The following GRID2 variants were observed in gnomAD, a reference collection of about 807,000 sequenced individuals.
The protein encoded by GRID2 is glutamate ionotropic receptor delta type subunit 2.
In GRID2, 33 loss-of-function variants were observed where a neutral mutation model predicts 114.8. The observed-to-expected ratio is 0.29, with a 90% CI of 0.22 to 0.38. GRID2 has a LOEUF of 0.38. Among genes scored for constraint, GRID2 ranks in the 10% least tolerant of loss-of-function variants. The pLI is 1.00. For synonymous variants in GRID2, 505 were observed against 449.9 expected (o/e 1.12, Z -1.55); for missense variants, 1,184 against 1,257.7 (o/e 0.94, Z 0.89).
At chr4:93,751,248 A>T (rs1344419440) in intron 14 of GRID2, among the ~76,000 whole-genome samples, 1 of 152,206 alleles carries the variant, frequency 6.6e-6, no homozygotes, top group African/African-American at 2.4e-5. Flanking sequence ...TGATCTCATG[A>T]AAAGTCTAGG....
intron 1 of GRID2, among the ~76,000 whole-genome samples, chr4:92,322,488 A>G (rs565634790): frequency 9.2e-5 from 14 of 152,276 alleles, no homozygotes; most frequent in African/African-American, 3.1e-4. Context: ...CCCTGATGTG[A>G]TTACTACACA....
intron 2 of GRID2, among the ~76,000 whole-genome samples, chr4:92,609,738 C>T (rs1199087682): frequency 1.3e-5 from 2 of 151,486 alleles, no homozygotes; most frequent in African/African-American, 4.8e-5. Flanking sequence ...ATACCTTCTT[C>T]AATTATCTGA....
chr4:93,131,856 A>G (rs1393896697), intron 4 of GRID2, among the ~76,000 whole-genome samples: 3 of 152,096 alleles, frequency 2.0e-5, no homozygotes, highest in Non-Finnish European at 2.9e-5. Flanking sequence ...TCTTTTTCCT[A>G]TGTATACAAC....
chr4:93,347,539 C>T lies in GRID2; in HGVS notation c.1246-48068C>T, dbSNP rs945778510. 6.4e-4 allele frequency among the ~76,000 whole-genome samples: 97 copies of T among 152,096 alleles called. 1 individual carries two copies. The highest frequency in any genetic ancestry group is 7.4e-5 in the Non-Finnish European group (5 of 67,980). ...AGTGGTAGTTGAGAAAAAATTATTC[C>T]TTATATGATTTTCATCATAGTGTTT... is the stretch of plus-strand genomic sequence containing the variant. On this transcript the variant is annotated intron_variant, in intron 8 of 15. Coordinates refer to ENST00000282020, the MANE Select transcript of GRID2 (RefSeq NM_001510.4).
chr4:92,589,959 C>T (rs1728629688), intron 1 of GRID2, among the ~76,000 whole-genome samples, 172 bp from the exon 2 acceptor site: 1 of 152,148 alleles, frequency 6.6e-6, no homozygotes, highest in Admixed American at 6.5e-5. Context: ...TAACTATATT[C>T]CTTCTCAGCT....
At chr4:92,773,066 G>GT (rs1412808408) in intron 2 of GRID2, among the ~76,000 whole-genome samples, 4 of 152,054 alleles carry the variant, frequency 2.6e-5, no homozygotes, top group Non-Finnish European at 4.4e-5. Flanking sequence ...TTTTTCACTT[G>GT]TATTGTCTTT....
chr4:93,001,635 T>A (rs1392115368), intron 2 of GRID2, among the ~76,000 whole-genome samples: 1 of 151,874 alleles, frequency 6.6e-6, no homozygotes, highest in East Asian at 1.9e-4. Context: ...TTATAGTATT[T>A]GTATTGAAAC....
chr4:92,472,703 T>C (rs1722104564), intron 1 of GRID2, among the ~76,000 whole-genome samples: 1 of 152,142 alleles, frequency 6.6e-6, no homozygotes, highest in Admixed American at 6.6e-5. Flanking sequence ...TTCTCATGTG[T>C]TTGTCATGCA....
At chr4:93,589,452 T>C (rs928446947) in intron 13 of GRID2, among the ~76,000 whole-genome samples, 3 of 152,044 alleles carry the variant, frequency 2.0e-5, no homozygotes, top group Non-Finnish European at 2.9e-5. Flanking sequence ...TAGTCTATCA[T>C]TGTTGGACAT....
intron 8 of GRID2, among the ~76,000 whole-genome samples, chr4:93,338,189 A>G (rs998062017): frequency 3.9e-5 from 6 of 152,166 alleles, no homozygotes; most frequent in African/African-American, 7.2e-5. Flanking sequence ...AACAGGAAGC[A>G]TATTTTCTCA....
chr4:92,417,840 G>A (rs1344509905), intron 1 of GRID2, among the ~76,000 whole-genome samples: 1 of 152,104 alleles, frequency 6.6e-6, no homozygotes, highest in Non-Finnish European at 1.5e-5. Context: ...TTCCCATGCT[G>A]TTCTCGTGGT....
chr4:93,379,484 G>T (rs936087941), intron 8 of GRID2, among the ~76,000 whole-genome samples: 1 of 152,010 alleles, frequency 6.6e-6, no homozygotes, highest in Non-Finnish European at 1.5e-5. Context: ...AAAGGGGAGA[G>T]ATCTTTTCCT....
chr4:92,704,421 C>G (rs1453533846), intron 2 of GRID2, among the ~76,000 whole-genome samples: 2 of 152,046 alleles, frequency 1.3e-5, no homozygotes, highest in Admixed American at 6.5e-5. Context: ...AATCATTTGT[C>G]ATTTTGTTTT....
intron 8 of GRID2, among the ~76,000 whole-genome samples, chr4:93,325,810 T>A (rs1757772088): frequency 6.6e-6 from 1 of 152,172 alleles, no homozygotes; most frequent in African/African-American, 2.4e-5. Context: ...TGTTCACTTT[T>A]GTTTTTTTGC....
At chr4:92,395,293 C>T (rs997503004) in intron 1 of GRID2, among the ~76,000 whole-genome samples, 2 of 151,396 alleles carry the variant, frequency 1.3e-5, no homozygotes, top group African/African-American at 4.8e-5. Flanking sequence ...ACCCTTTGAT[C>T]TCACAATTAG....
intron 8 of GRID2, among the ~76,000 whole-genome samples, chr4:93,303,404 C>T (rs1048498733): frequency 3.3e-5 from 5 of 152,126 alleles, no homozygotes; most frequent in African/African-American, 9.7e-5. Context: ...AGAGAACTTC[C>T]CCTCCAATTT....
At chr4:93,344,700 A>G (rs1407475067) in intron 8 of GRID2, among the ~76,000 whole-genome samples, 1 of 150,318 alleles carries the variant, frequency 6.7e-6, no homozygotes, top group Non-Finnish European at 1.5e-5. Context: ...TAGTCATATT[A>G]TACAGTAGAT....
intron 1 of GRID2, among the ~76,000 whole-genome samples, chr4:92,388,762 AAATAGAC>A (rs1025783868): frequency 6.6e-6 from 1 of 152,020 alleles, no homozygotes; most frequent in Non-Finnish European, 1.5e-5. Context: ...TATATATATG[AAATAGAC>A]TTGACCCTCA....
intron 2 of GRID2, among the ~76,000 whole-genome samples, chr4:92,849,310 G>C (rs937706185): frequency 7.2e-5 from 11 of 151,898 alleles, no homozygotes; most frequent in African/African-American, 2.7e-4. Flanking sequence ...TGCAGGGCCT[G>C]GTTTCTCTTC....
Sources: allele counts gnomAD v4.1 joint callset (sites outside exome capture counted in the v4.1 genomes callset), GRCh38; gene constraint gnomAD v4.1.1; transcripts MANE v1.5; gene names NCBI Gene and HGNC (gene_info 2026-07-23, HGNC 2026-07-21).